Variants in PRPF18 observed in about 807,000 individuals in gnomAD.
The protein encoded by PRPF18 is pre-mRNA processing factor 18, also known as pre-mRNA-splicing factor 18.
In PRPF18, 38 loss-of-function variants were observed where a neutral mutation model predicts 46.5. That is an observed-to-expected ratio of 0.82 (90% confidence interval 0.63 to 1.07). The LOEUF (loss-of-function observed/expected upper bound fraction) is 1.07, where lower values mean the gene tolerates loss of function less well. Ranked by LOEUF, PRPF18 falls within the 50% of genes least tolerant of loss-of-function variation. The pLI, the probability that PRPF18 is intolerant of heterozygous loss-of-function variation, is 0.00. For missense variants in PRPF18, 263 were observed against 410.0 expected, an observed-to-expected ratio of 0.64 and a Z score of 3.10; for synonymous variants, 152 against 146.7, an observed-to-expected ratio of 1.04 and a Z score of -0.26.
intron 3 of PRPF18, among the ~76,000 whole-genome samples, chr10:13,603,638 A>G (rs1248041055): frequency 1.3e-5 from 2 of 152,148 alleles, no homozygotes; most frequent in Non-Finnish European, 2.9e-5. Flanking sequence ...TTGAGTCCTC[A>G]GTAGTCTCTT....
the PRPF18 span, among the ~76,000 whole-genome samples, chr10:13,649,972 C>T: frequency 6.6e-6 from 1 of 152,178 alleles, no homozygotes; most frequent in East Asian, 1.9e-4. Flanking sequence ...CAGCTTAGCC[C>T]TGGGCAGTCT....
intron 9 of PRPF18, among the ~76,000 whole-genome samples, chr10:13,618,633 A>G (rs557461647): frequency 6.6e-5 from 10 of 151,690 alleles, no homozygotes; most frequent in African/African-American, 2.4e-4. Flanking sequence ...AAAAAAAAAA[A>G]AAAAAAAAGA....
At chr10:13,596,971 A>G (rs2080044095) in intron 1 of PRPF18, among the ~76,000 whole-genome samples, 1 of 152,232 alleles carries the variant, frequency 6.6e-6, no homozygotes. Context: ...ACTGATTGAT[A>G]TAATAAGGTT....
At chr10:13,637,373 T>C in the PRPF18 span, among the ~76,000 whole-genome samples, 1 of 152,204 alleles carries the variant, frequency 6.6e-6, no homozygotes, top group Non-Finnish European at 1.5e-5. Flanking sequence ...GCCCTTCTGG[T>C]AGTCATAATG....
In PRPF18 at chr10:13,622,780, T is replaced by C. The variant is rs1304682293; in HGVS notation, c.948+6227T>C. Among the ~76,000 whole-genome samples the C allele has an allele frequency of 2.6e-5, 4 of 152,216 alleles. No homozygotes were observed. In the East Asian group the frequency reaches 7.7e-4, roughly 29 times the overall value. Reference sequence around the variant, plus strand: ...TTTAATACTTACAGTGGGCTTCTTATTAGAACCAGCCTGCAGTTGCCCTTA... The same window carrying C: ...TTTAATACTTACAGTGGGCTTCTTACTAGAACCAGCCTGCAGTTGCCCTTA... On this transcript the variant is annotated intron_variant, in intron 9 of 9. Transcript: ENST00000378572.
At chr10:13,629,404 A>G (rs771982445) in intron 9 of PRPF18, among the ~76,000 whole-genome samples, 1 of 152,236 alleles carries the variant, frequency 6.6e-6, no homozygotes, top group African/African-American at 2.4e-5. Context: ...GAATACATGT[A>G]AAACACAAGT....
intron 9 of PRPF18, among the ~76,000 whole-genome samples, chr10:13,627,613 T>G (rs1041391091): frequency 1.3e-5 from 2 of 152,224 alleles, no homozygotes; most frequent in African/African-American, 2.4e-5. Context: ...CCATGCACTC[T>G]CAAATCTTTT....
chr10:13,652,094 A>G, the PRPF18 span: 1 of 718,500 alleles, frequency 1.4e-6, no homozygotes, highest in Non-Finnish European at 2.6e-6. Flanking sequence ...CTGATTAGAC[A>G]CCTGAGTTAG....
chr10:13,637,971 C>T, the PRPF18 span: 1 of 152,292 alleles, frequency 6.6e-6, no homozygotes, highest in Non-Finnish European at 1.5e-5. Context: ...ACGCAATGTT[C>T]ATTCTCTCTC....
At chr10:13,638,021 A>AT in the PRPF18 span, 1 of 152,236 alleles carries the variant, frequency 6.6e-6, no homozygotes, top group Non-Finnish European at 1.5e-5. Flanking sequence ...TAGAACTGTA[A>AT]TATGCACAGT....
intron 4 of PRPF18, among the ~76,000 whole-genome samples, chr10:13,607,732 A>G (rs2080211409): frequency 6.6e-6 from 1 of 152,066 alleles, no homozygotes; most frequent in Non-Finnish European, 1.5e-5. Context: ...TTTTCCTTTT[A>G]TGGTCATTGC....
chr10:13,634,404 G>T (rs2080616832), downstream of PRPF18, among the ~76,000 whole-genome samples: 1 of 152,322 alleles, frequency 6.6e-6, no homozygotes, highest in East Asian at 1.9e-4. Flanking sequence ...GCCTTTTGGT[G>T]ATCTCAGACT....
intron 3 of PRPF18, among the ~76,000 whole-genome samples, chr10:13,601,183 A>C (rs1219586171): frequency 6.6e-6 from 1 of 152,122 alleles, no homozygotes; most frequent in Non-Finnish European, 1.5e-5. Context: ...TGCATACATA[A>C]TAATGTGTGA....
chr10:13,603,296 G>A (rs937129308), intron 3 of PRPF18, among the ~76,000 whole-genome samples: 12 of 150,986 alleles, frequency 7.9e-5, no homozygotes, highest in African/African-American at 2.9e-4. Flanking sequence ...TTTGGGGGAG[G>A]TGGTGGTGGT....
intron 2 of PRPF18, chr10:13,597,803 T>A: frequency 1.7e-6 from 1 of 577,470 alleles, no homozygotes; most frequent in Non-Finnish European, 2.7e-6. Context: ...TTGAATTTTT[T>A]TTTTTTTTTA....
intron 9 of PRPF18, among the ~76,000 whole-genome samples, chr10:13,621,033 G>T (rs1454908093): frequency 2.0e-5 from 3 of 152,168 alleles, no homozygotes; most frequent in African/African-American, 7.2e-5. Context: ...TTTGGGTAAA[G>T]CTTCTTTTAC....
chr10:13,648,504 G>C, the PRPF18 span: 2 of 152,206 alleles, frequency 1.3e-5, no homozygotes, highest in African/African-American at 4.8e-5. Context: ...GGGGCCAGGG[G>C]ACAAGGAACC....
rs376085688 is a variant in PRPF18, at chr10:13,609,118, G to A, written c.364-921G>A. Among the ~76,000 whole-genome samples, 9 of 152,192 alleles carry A rather than the reference G, an allele frequency of 5.9e-5. No homozygotes were observed. The East Asian group carries it at 9.6e-4, about 16-fold the overall frequency. ...GATCAGATGCTTTTTGTGTGAGAAC[G>A]TTAGGAGTTAACATTGGTTGAATGT... On this transcript the variant is annotated intron_variant, in intron 4 of 9. Transcript: ENST00000378572.
Position 13,600,333 on chromosome 10 carries a change from G to T in PRPF18, c.234G>T (p.Thr78=), listed in dbSNP as rs768271111. The T allele has an allele frequency of 6.2e-7, 1 of 1,608,924 alleles. No individual in the cohort carries two copies. The highest frequency in any genetic ancestry group is 1.1e-5 in the South Asian group (1 of 90,726). Residue 78 remains threonine, a synonymous_variant, in exon 3 of 10, where the codon ACG becomes ACT. Coordinates refer to ENST00000378572, the MANE Select transcript of PRPF18 (RefSeq NM_003675.4). ...LELAEEKLPM[T]LSRQEVIRRL... ...TGGCAGAGGAAAAATTACCTATGAC[G>T]CTTTCTAGGCAAGAGGTAAGTTTAT...
Sources: gnomAD v4.1 joint callset for allele counts (sites outside exome capture counted in the v4.1 genomes callset) on GRCh38, gnomAD v4.1.1 for gene constraint, MANE v1.5 for transcripts, NCBI Gene and HGNC (gene_info 2026-07-23, HGNC 2026-07-21) for gene names.